The following PACSIN2 variants were observed in gnomAD, a reference collection of about 807,000 sequenced individuals.
PACSIN2 encodes the protein protein kinase C and casein kinase substrate in neurons protein 2.
Under a neutral mutation model 63.8 loss-of-function variants are expected in PACSIN2, and 25 were observed. The observed-to-expected ratio is 0.39, with a 90% CI of 0.29 to 0.55. PACSIN2 has a LOEUF of 0.55. PACSIN2 is among the 20% of genes least tolerant of loss of function. The pLI is 0.62. For synonymous variants in PACSIN2, 255 were observed against 256.2 expected (o/e 1.00, Z 0.05); for missense variants, 518 against 646.9 (o/e 0.80, Z 2.16).
rs1252834978 is a variant in PACSIN2 at position 42,870,245 on chromosome 22, A to G, written c.*1112T>C. On this transcript the variant is annotated 3_prime_UTR_variant, in exon 11 of 11. Transcript: ENST00000263246. ...TACGGAGCCAGGACAAAGGCCGGTC[A>G]GAAGCCGGACCAGCAGTCAGCTGGT... 1 of 152,224 alleles carries G rather than the reference A, an allele frequency of 6.6e-6. No homozygotes were observed. Among genetic ancestry groups the G allele is most frequent in the Non-Finnish European group, 1.5e-5 (1 of 68,036 alleles). The allele number at this position is 152,224 out of a possible 1,614,324, so 9.4% of individuals were successfully genotyped here.
At chr22:42,971,745 G>A (rs1285800551) in intron 1 of PACSIN2, among the ~76,000 whole-genome samples, 1 of 151,514 alleles carries the variant, frequency 6.6e-6, no homozygotes, top group Non-Finnish European at 1.5e-5. Flanking sequence ...CAGCCGCCCC[G>A]TCCGGGAGGT....
chr22:42,951,911 C>G (rs1569315923), intron 1 of PACSIN2, among the ~76,000 whole-genome samples: 1 of 152,196 alleles, frequency 6.6e-6, no homozygotes, highest in Non-Finnish European at 1.5e-5. Flanking sequence ...CCAGATGCAC[C>G]AGACTCGGCT....
intron 1 of PACSIN2, among the ~76,000 whole-genome samples, chr22:42,974,594 CA>C (rs1921552274): frequency 6.6e-6 from 1 of 151,886 alleles, no homozygotes; most frequent in Admixed American, 6.6e-5. Context: ...ATTAAAAATA[CA>C]AAAATTAGCT....
intron 1 of PACSIN2, among the ~76,000 whole-genome samples, chr22:42,922,564 C>T (rs545551311): frequency 1.8e-4 from 27 of 152,358 alleles, no homozygotes; most frequent in African/African-American, 6.3e-4. Context: ...GTTCTGGCCG[C>T]TCCACAGGCC....
intron 1 of PACSIN2, among the ~76,000 whole-genome samples, chr22:42,924,947 G>A (rs1257735952): frequency 1.3e-5 from 2 of 151,608 alleles, no homozygotes; most frequent in African/African-American, 2.4e-5. Context: ...TGGTAGAGAC[G>A]GGGTTTCACC....
chr22:42,891,242 C>T (rs1035868670), intron 3 of PACSIN2, 60 bp from the exon 4 acceptor site: 2 of 1,124,048 alleles, frequency 1.8e-6, no homozygotes, highest in Non-Finnish European at 2.7e-6. Flanking sequence ...GTCTGCTCTG[C>T]TCACACCTCG....
At chr22:42,891,400 T>G (rs1317226094) in intron 3 of PACSIN2, among the ~76,000 whole-genome samples, 1 of 152,184 alleles carries the variant, frequency 6.6e-6, no homozygotes, top group Non-Finnish European at 1.5e-5. Flanking sequence ...TACATGCCTT[T>G]CCTTTATTTT....
intron 2 of PACSIN2, among the ~76,000 whole-genome samples, chr22:42,903,142 G>C (rs1039150584): frequency 5.9e-5 from 9 of 152,202 alleles, no homozygotes; most frequent in African/African-American, 1.9e-4. Flanking sequence ...GCCTGAGTTA[G>C]TTTATCCCTA....
At position 42,945,038 on chromosome 22, in the gene PACSIN2, C is replaced by T. The variant is rs891132860; in HGVS notation, c.-77-32881G>A. Among the ~76,000 whole-genome samples, 8 of 150,046 alleles carry T rather than the reference C, an allele frequency of 5.3e-5. No homozygotes were observed. The East Asian group carries it at 5.9e-4, about 11-fold the overall frequency. On this transcript the variant is annotated intron_variant, in intron 1 of 10. Transcript: ENST00000263246. ...ACTTGAACCTGGGAGGCAGAGGTTGCGGTGAGCCAAGATCATACCACTGTA... is the reference window on the plus strand; with the variant it reads ...ACTTGAACCTGGGAGGCAGAGGTTGTGGTGAGCCAAGATCATACCACTGTA...
intron 2 of PACSIN2, among the ~76,000 whole-genome samples, chr22:42,904,509 G>A (rs561528777): frequency 1.3e-5 from 2 of 152,356 alleles, no homozygotes; most frequent in South Asian, 4.1e-4. Context: ...TAAGCTCGCT[G>A]AAGACCTGAG....
chr22:42,935,345 C>T (rs1168965588), intron 1 of PACSIN2, among the ~76,000 whole-genome samples: 2 of 152,142 alleles, frequency 1.3e-5, no homozygotes, highest in African/African-American at 4.8e-5. Flanking sequence ...CATTTCTCTC[C>T]TTTTCCCATG....
At chr22:42,924,758 T>C (rs1601528400) in intron 1 of PACSIN2, among the ~76,000 whole-genome samples, 1 of 150,864 alleles carries the variant, frequency 6.6e-6, no homozygotes, top group Non-Finnish European at 1.5e-5. Flanking sequence ...AGGTTTTTTT[T>C]CTTTTTTTTT....
intron 1 of PACSIN2, among the ~76,000 whole-genome samples, chr22:42,996,805 G>C (rs896910062): frequency 6.6e-6 from 1 of 152,184 alleles, no homozygotes. Flanking sequence ...GAGTTCTACA[G>C]CCTCAAGCTG....
At chr22:42,932,679 G>A (rs1315124010) in intron 1 of PACSIN2, among the ~76,000 whole-genome samples, 4 of 151,584 alleles carry the variant, frequency 2.6e-5, no homozygotes, top group South Asian at 2.1e-4. Context: ...TTAGTTACTC[G>A]GATTATTAAC....
In PACSIN2 at chr22:42,995,613, G is replaced by A. The variant is rs567285376; in HGVS notation, c.-78+19408C>T. Among the ~76,000 whole-genome samples, 11 of 152,206 alleles carry A rather than the reference G, an allele frequency of 7.2e-5. No homozygotes were observed. The South Asian group carries it at 1.9e-3, about 26-fold the overall frequency. ...AATGTGCATTTCCAATGTCATTCAC[G>A]CGGCAATTATTTGGAAATAAGGATG... On this transcript the variant is annotated intron_variant, in intron 1 of 10. Coordinates refer to ENST00000263246, the MANE Select transcript of PACSIN2 (RefSeq NM_001184970.3).
intron 1 of PACSIN2, among the ~76,000 whole-genome samples, chr22:42,961,507 C>T (rs937070155): frequency 1.3e-5 from 2 of 150,898 alleles, no homozygotes; most frequent in African/African-American, 2.4e-5. Flanking sequence ...GCCGGTGGCT[C>T]ACACTTGTAG....
At chr22:42,985,232 CAGA>C (rs1484591584) in intron 1 of PACSIN2, among the ~76,000 whole-genome samples, 3 of 152,238 alleles carry the variant, frequency 2.0e-5, no homozygotes, top group Admixed American at 6.5e-5. Flanking sequence ...GGGGCTGAGG[CAGA>C]AGAACTGCTT....
At chr22:42,973,131 T>C (rs1333519008) in intron 1 of PACSIN2, among the ~76,000 whole-genome samples, 1 of 152,144 alleles carries the variant, frequency 6.6e-6, no homozygotes, top group Non-Finnish European at 1.5e-5. Context: ...AACAAGAATA[T>C]CAGTGAAATA....
intron 1 of PACSIN2, among the ~76,000 whole-genome samples, chr22:42,996,824 T>G (rs530600731): frequency 5.0e-4 from 76 of 152,208 alleles, no homozygotes; most frequent in Non-Finnish European, 9.7e-4. Context: ...TGCATGCTGA[T>G]CAAAACCACA....
Sources: gnomAD v4.1 joint callset for allele counts (sites outside exome capture counted in the v4.1 genomes callset) on GRCh38, gnomAD v4.1.1 for gene constraint, MANE v1.5 for transcripts, NCBI Gene and HGNC (gene_info 2026-07-23, HGNC 2026-07-21) for gene names.